The following SORCS2 variants were observed in gnomAD, a reference collection of about 807,000 sequenced individuals.
SORCS2 encodes VPS10 domain-containing receptor SorCS2.
In SORCS2, 100 loss-of-function variants were observed where a neutral mutation model predicts 141.6. The observed-to-expected ratio is 0.71, with a 90% CI of 0.60 to 0.83. The LOEUF (loss-of-function observed/expected upper bound fraction) is 0.83. SORCS2 is among the 40% of genes least tolerant of loss of function. The probability of loss-of-function intolerance (pLI) is 0.00; values close to 1 mark genes in which losing one functional copy is unlikely to be tolerated. For missense variants in SORCS2, 1,646 were observed against 1,560.2 expected, an observed-to-expected ratio of 1.05 and a Z score of -0.93; for synonymous variants, 789 against 676.9, an observed-to-expected ratio of 1.17 and a Z score of -2.57.
At chr4:7,251,797 G>A (rs1466679567) in intron 1 of SORCS2, among the ~76,000 whole-genome samples, 6 of 152,096 alleles carry the variant, frequency 3.9e-5, no homozygotes, top group South Asian at 2.1e-4. Context: ...CTTGTTGGTC[G>A]CAGCTGGATC....
intron 2 of SORCS2, among the ~76,000 whole-genome samples, chr4:7,472,216 T>C (rs894876670): frequency 5.3e-5 from 8 of 151,602 alleles, no homozygotes; most frequent in Non-Finnish European, 1.0e-4. Context: ...GACAGACAGG[T>C]CCATGGATGC....
chr4:7,724,975 T>A, intron 19 of SORCS2, among the ~76,000 whole-genome samples, 179 bp from the exon 20 acceptor site: 2 of 131,254 alleles, frequency 1.5e-5, no homozygotes, highest in African/African-American at 6.2e-5. Flanking sequence ...GTGATAGTGT[T>A]GGTGGGAATG....
chr4:7,541,624 G>A lies in SORCS2; in HGVS notation c.648+9995G>A, dbSNP rs545680658. On this transcript the variant is annotated intron_variant, in intron 3 of 26. Transcript: ENST00000507866. ...GCCAGGCCTCTCCCTCAAGTGGTCT[G>A]CCCTTTTTCTTGAAGAGTGGACATC... Among the ~76,000 whole-genome samples the A allele has an allele frequency of 1.2e-3, 176 of 152,332 alleles. 2 individuals are homozygous for A. Among genetic ancestry groups the A allele is most frequent in the African/African-American group, 4.0e-3 (167 of 41,572 alleles).
At chr4:7,506,890 C>T (rs1409214841) in intron 2 of SORCS2, among the ~76,000 whole-genome samples, 1 of 152,134 alleles carries the variant, frequency 6.6e-6, no homozygotes, top group Non-Finnish European at 1.5e-5. Context: ...TAGGTAAGTG[C>T]CATAAATTAA....
chr4:7,601,305 A>G (rs1717648649), intron 3 of SORCS2, among the ~76,000 whole-genome samples: 1 of 137,988 alleles, frequency 7.2e-6, no homozygotes, highest in Non-Finnish European at 1.6e-5. Flanking sequence ...TCCCCAAATT[A>G]AACCTCATTT....
chr4:7,498,786 C>T (rs1282776851), intron 2 of SORCS2, among the ~76,000 whole-genome samples: 2 of 152,242 alleles, frequency 1.3e-5, no homozygotes, highest in Non-Finnish European at 2.9e-5. Context: ...CTGGGAATGC[C>T]AGCATGAGCA....
At chr4:7,374,187 C>CTTTCTTTCTTTCT (rs1722480394) in intron 1 of SORCS2, among the ~76,000 whole-genome samples, 5 of 133,750 alleles carry the variant, frequency 3.7e-5, no homozygotes, top group African/African-American at 8.3e-5. Context: ...TTCTTTCTTT[C>CTTTCTTTCTTTCT]TTTCTTTCTT....
chr4:7,662,133 A>G lies in SORCS2; in HGVS notation c.952+569A>G, dbSNP rs570996130. ...CCTGGCCTGTGAAATGGATAGTGAT[A>G]TGAAATAAGTGAATGCAGAGTCCTC... is the stretch of plus-strand genomic sequence containing the variant. On this transcript the variant is annotated intron_variant, in intron 6 of 26. Coordinates refer to ENST00000507866, the MANE Select transcript of SORCS2 (RefSeq NM_020777.3). 2.6e-5 allele frequency among the ~76,000 whole-genome samples: 4 copies of G among 152,218 alleles called. No individual in the cohort carries two copies. The East Asian group carries it at 7.8e-4, about 30-fold the overall frequency.
intron 2 of SORCS2, among the ~76,000 whole-genome samples, chr4:7,486,428 G>A (rs114631717): frequency 0.021 from 2,666 of 125,192 alleles, 73 homozygotes; most frequent in African/African-American, 0.073. Flanking sequence ...CCTGGCCCTG[G>A]ACAGGGTCAC....
chr4:7,311,922 C>T (rs548055980), intron 1 of SORCS2, among the ~76,000 whole-genome samples: 14 of 151,992 alleles, frequency 9.2e-5, no homozygotes, highest in Non-Finnish European at 1.6e-4. Context: ...TGTTGCCAGG[C>T]TGGAGTGGAG....
intron 1 of SORCS2, among the ~76,000 whole-genome samples, chr4:7,279,077 A>G (rs1236910128): frequency 2.6e-5 from 4 of 152,138 alleles, no homozygotes; most frequent in African/African-American, 9.7e-5. Flanking sequence ...AGTGCTTCCT[A>G]TGGGAGAACT....
At chr4:7,196,026 C>A (rs1410425372) in intron 1 of SORCS2, among the ~76,000 whole-genome samples, 1 of 152,178 alleles carries the variant, frequency 6.6e-6, no homozygotes, top group East Asian at 1.9e-4. Context: ...CCACAAGAAG[C>A]AGTCCCAGGA....
chr4:7,303,790 C>A (rs55893706), intron 1 of SORCS2, among the ~76,000 whole-genome samples: 44,591 of 152,226 alleles, frequency 0.29, 6,759 homozygotes, highest in South Asian at 0.46. Context: ...GAGCGCAGGA[C>A]GCAGACCTCG....
At chr4:7,282,030 A>G (rs375008049) in intron 1 of SORCS2, among the ~76,000 whole-genome samples, 1 of 152,144 alleles carries the variant, frequency 6.6e-6, no homozygotes, top group African/African-American at 2.4e-5. Flanking sequence ...TCCTAAGGGG[A>G]AGGGGAACCT....
chr4:7,692,995 A>T (rs1444318906), intron 11 of SORCS2, among the ~76,000 whole-genome samples: 2 of 152,130 alleles, frequency 1.3e-5, no homozygotes, highest in East Asian at 3.9e-4. Flanking sequence ...AAAGACAAAA[A>T]CTTGACTTTT....
intron 3 of SORCS2, among the ~76,000 whole-genome samples, chr4:7,624,025 A>G (rs1719371329): frequency 6.6e-6 from 1 of 152,168 alleles, no homozygotes; most frequent in South Asian, 2.1e-4. Context: ...GGATAATAAT[A>G]ACAACTACTT....
chr4:7,586,704 A>T (rs192728507), intron 3 of SORCS2, among the ~76,000 whole-genome samples: 3 of 152,234 alleles, frequency 2.0e-5, no homozygotes, highest in Non-Finnish European at 4.4e-5. Context: ...GTGTATATGT[A>T]CCACATTTTC....
At chr4:7,241,012 GCAACCTCTGCCTC>G (rs1374989969) in intron 1 of SORCS2, among the ~76,000 whole-genome samples, 1 of 152,194 alleles carries the variant, frequency 6.6e-6, no homozygotes, top group Non-Finnish European at 1.5e-5. Flanking sequence ...TCGGCTCACT[GCAACCTCTGCCTC>G]CCGGGATCAA....
intron 3 of SORCS2, among the ~76,000 whole-genome samples, chr4:7,621,336 G>A (rs1280415404): frequency 6.6e-6 from 1 of 152,038 alleles, no homozygotes; most frequent in Non-Finnish European, 1.5e-5. Context: ...ATGTGTGAGT[G>A]TTTATGTGTG....
Sources: allele counts gnomAD v4.1 joint callset (sites outside exome capture counted in the v4.1 genomes callset), GRCh38; gene constraint gnomAD v4.1.1; transcripts MANE v1.5; gene names NCBI Gene and HGNC (gene_info 2026-07-23, HGNC 2026-07-21).